The following POLA2 variants were observed in gnomAD, a reference collection of about 807,000 sequenced individuals.
The protein encoded by POLA2 is DNA polymerase alpha subunit B.
In POLA2, 47 loss-of-function variants were observed where a neutral mutation model predicts 82.8. The observed-to-expected ratio is 0.57, with a 90% CI of 0.45 to 0.72. POLA2 has a LOEUF of 0.72. Ranked by LOEUF, POLA2 falls within the 30% of genes least tolerant of loss-of-function variation. The pLI, the probability that POLA2 is intolerant of heterozygous loss-of-function variation, is 0.00. For synonymous variants in POLA2, 287 were observed against 286.8 expected (o/e 1.00, Z -0.01); for missense variants, 634 against 728.1 (o/e 0.87, Z 1.49).
chr11:65,295,413 A>G, intron 15 of POLA2, 127 bp from the exon 16 acceptor site: 1 of 792,408 alleles, frequency 1.3e-6, no homozygotes, highest in Non-Finnish European at 2.2e-6. Flanking sequence ...CCCCAGAGGC[A>G]TCCTCCTCTT....
At chr11:65,286,160 C>T (rs761412495) in intron 10 of POLA2, among the ~76,000 whole-genome samples, 11 of 152,098 alleles carry the variant, frequency 7.2e-5, no homozygotes, top group Non-Finnish European at 1.3e-4. Flanking sequence ...AAATGTTAGG[C>T]TGCTGTGATT....
chr11:65,269,838 G>C (rs1039286768), intron 4 of POLA2, among the ~76,000 whole-genome samples: 1 of 152,060 alleles, frequency 6.6e-6, no homozygotes, highest in African/African-American at 2.4e-5. Context: ...TTTTGTTGTT[G>C]TTGTTGTTGT....
intron 13 of POLA2, 74 bp downstream of exon 13, chr11:65,289,946 A>C (rs1949737248): frequency 9.9e-7 from 1 of 1,010,382 alleles, no homozygotes. Flanking sequence ...AGAAACTGAA[A>C]CTGCTTAAAA....
At chr11:65,278,588 AC>A in intron 5 of POLA2, 141 bp from the exon 6 acceptor site, 1 of 684,006 alleles carries the variant, frequency 1.5e-6, no homozygotes, top group East Asian at 2.6e-5. Context: ...GGTATGTCCA[AC>A]CCCATTAAAC....
chr11:65,304,289 ATCCT>A (rs974682603), intron 8 of POLA2, among the ~76,000 whole-genome samples: 2 of 149,878 alleles, frequency 1.3e-5, no homozygotes, highest in Non-Finnish European at 3.0e-5. Flanking sequence ...CCATCCATCC[ATCCT>A]TCCATCCACC....
chr11:65,287,246 G>T (rs938762561), intron 10 of POLA2, among the ~76,000 whole-genome samples: 1 of 152,018 alleles, frequency 6.6e-6, no homozygotes, highest in African/African-American at 2.4e-5. Flanking sequence ...GGAGTCTCCC[G>T]TTCCAGTCTC....
At chr11:65,293,852 C>A (rs190386388) in intron 13 of POLA2, among the ~76,000 whole-genome samples, 2 of 152,254 alleles carry the variant, frequency 1.3e-5, no homozygotes, top group East Asian at 3.9e-4. Context: ...ATTTCTTTGC[C>A]CCTTTTTCTG....
downstream of POLA2, among the ~76,000 whole-genome samples, chr11:65,300,809 T>C (rs1029064135): frequency 4.6e-5 from 7 of 152,254 alleles, no homozygotes; most frequent in Non-Finnish European, 7.3e-5. Flanking sequence ...CTCGAACCAC[T>C]GACCTCAAGT....
chr11:65,281,488 T>C (rs537544138), intron 8 of POLA2, among the ~76,000 whole-genome samples, 182 bp from the exon 9 acceptor site: 1 of 152,370 alleles, frequency 6.6e-6, no homozygotes, highest in East Asian at 1.9e-4. Context: ...TTAGATCACT[T>C]ATATAGAGCA....
At chr11:65,266,949 C>T (rs953816011) in intron 2 of POLA2, among the ~76,000 whole-genome samples, 3 of 152,138 alleles carry the variant, frequency 2.0e-5, no homozygotes, top group Admixed American at 6.6e-5. Context: ...GGCTCATGCC[C>T]ATAATCCCAG....
At chr11:65,262,446 AAGT>A in intron 1 of POLA2, 75 bp downstream of exon 1, 1 of 1,231,744 alleles carries the variant, frequency 8.1e-7, no homozygotes, top group Non-Finnish European at 1.1e-6. Flanking sequence ...CTAGAACCGA[AAGT>A]GGAGCGCTTC....
chr11:65,276,421 C>G (rs935203317), intron 5 of POLA2, among the ~76,000 whole-genome samples: 2 of 151,596 alleles, frequency 1.3e-5, no homozygotes, highest in Non-Finnish European at 2.9e-5. Context: ...AAGCACATAT[C>G]TTTGTTCATA....
chr11:65,293,627 A>G (rs1243095609), intron 13 of POLA2, among the ~76,000 whole-genome samples: 1 of 148,044 alleles, frequency 6.8e-6, no homozygotes, highest in East Asian at 2.0e-4. Flanking sequence ...AAAAAAAAAA[A>G]GCAGTCTCAG....
At chr11:65,287,571 G>A (rs1048867623) in intron 10 of POLA2, 145 bp from the exon 11 acceptor site, 2 of 614,688 alleles carry the variant, frequency 3.3e-6, no homozygotes, top group Non-Finnish European at 2.8e-6. Flanking sequence ...TGGACATGAG[G>A]TCTTCCTTAC....
intron 16 of POLA2, 21 bp downstream of exon 16, chr11:65,295,620 C>T (rs780725987): frequency 1.9e-5 from 31 of 1,604,834 alleles, no homozygotes; most frequent in Non-Finnish European, 2.6e-5. Context: ...CGCTGGGACC[C>T]CTGACTGTGG....
chr11:65,273,776 G>A (rs1389646254), intron 4 of POLA2, among the ~76,000 whole-genome samples: 1 of 151,596 alleles, frequency 6.6e-6, no homozygotes, highest in Non-Finnish European at 1.5e-5. Context: ...TTACAGGCAC[G>A]AGCCACCATC....
At chr11:65,290,527 A>T (rs911213390) in intron 13 of POLA2, among the ~76,000 whole-genome samples, 1 of 151,326 alleles carries the variant, frequency 6.6e-6, no homozygotes. Context: ...CAAGAACAAA[A>T]CTCCTTTTCC....
intron 3 of POLA2, 140 bp from the exon 4 acceptor site, chr11:65,268,532 C>G: frequency 1.8e-6 from 1 of 544,806 alleles, no homozygotes; most frequent in Non-Finnish European, 3.3e-6. Flanking sequence ...TTAGTAGAGA[C>G]GGGGTTTCAC....
rs901702146 is a variant in POLA2, at chr11:65,297,736, T to C, written c.*467T>C. ...TGAGATCTCGGCTCACTGCAAGCTC[T>C]GCCGCCCGGGTTCATGCCATTCTCC... is the stretch of plus-strand genomic sequence containing the variant. On this transcript the variant is annotated 3_prime_UTR_variant, in exon 18 of 18. Coordinates refer to ENST00000265465, the MANE Select transcript of POLA2 (RefSeq NM_002689.4). 2 of 151,864 alleles carry C rather than the reference T, an allele frequency of 1.3e-5. No individual in the cohort carries two copies. Among genetic ancestry groups the C allele is most frequent in the African/African-American group, 2.4e-5 (1 of 41,180 alleles). The allele number at this position is 151,864 out of a possible 1,614,324, so 9.4% of individuals were successfully genotyped here.
Sources: gnomAD v4.1 joint callset for allele counts (sites outside exome capture counted in the v4.1 genomes callset) on GRCh38, gnomAD v4.1.1 for gene constraint, MANE v1.5 for transcripts, NCBI Gene and HGNC (gene_info 2026-07-23, HGNC 2026-07-21) for gene names.